FRMPD4: variants seen among roughly 807,000 people sequenced by gnomAD.
The protein encoded by FRMPD4 is FERM and PDZ domain containing 4.
In FRMPD4, 22 loss-of-function variants were observed where a neutral mutation model predicts 94.1. The observed-to-expected ratio is 0.23, with a 90% CI of 0.17 to 0.33. FRMPD4 has a LOEUF of 0.33. Ranked by LOEUF, FRMPD4 falls within the 10% of genes least tolerant of loss-of-function variation. FRMPD4 has a pLI of 1.00. For synonymous variants in FRMPD4, 631 were observed against 548.6 expected, an observed-to-expected ratio of 1.15 and a Z score of -2.10; for missense variants, 1,111 against 1,339.9, an observed-to-expected ratio of 0.83 and a Z score of 2.67.
chrX:11,966,545 T>C (rs2054310640), intron 3 of FRMPD4, among the ~76,000 whole-genome samples: 1 of 111,476 alleles, frequency 9.0e-6, no homozygotes, highest in Admixed American at 9.6e-5. Flanking sequence ...ATCATCATCA[T>C]CATCATAGCC....
At chrX:12,102,369 G>T (rs1446479427) in intron 3 of FRMPD4, among the ~76,000 whole-genome samples, 2 of 111,757 alleles carry the variant, frequency 1.8e-5, no homozygotes, top group Non-Finnish European at 3.8e-5. Context: ...AAGTTGTCTT[G>T]TGATTTGTGT....
At chrX:12,177,236 A>T (rs2056306193) in intron 1 of FRMPD4, among the ~76,000 whole-genome samples, 1 of 112,425 alleles carries the variant, frequency 8.9e-6, no homozygotes, top group Non-Finnish European at 1.9e-5. Context: ...TTGACCAAGA[A>T]TGGATGATCA....
intron 1 of FRMPD4, among the ~76,000 whole-genome samples, chrX:12,389,260 G>C (rs915007245): frequency 6.4e-5 from 7 of 110,036 alleles, no homozygotes; most frequent in Non-Finnish European, 1.3e-4. Context: ...GATCACCTCA[G>C]GTCAGGAGCT....
intron 1 of FRMPD4, among the ~76,000 whole-genome samples, chrX:12,387,875 G>A (rs935581615): frequency 6.4e-5 from 7 of 108,582 alleles, no homozygotes; most frequent in African/African-American, 2.4e-4. Flanking sequence ...GAGAGCCAGC[G>A]TCCATGTCTG....
intron 1 of FRMPD4, among the ~76,000 whole-genome samples, chrX:11,831,732 G>C (rs1408083326): frequency 1.8e-5 from 2 of 111,536 alleles, no homozygotes; most frequent in African/African-American, 6.5e-5. Flanking sequence ...GGAGATAAAT[G>C]AGGTCAATAC....
chrX:12,283,245 G>A lies in FRMPD4; in HGVS notation c.41+144233G>A, dbSNP rs183679926. Among the ~76,000 whole-genome samples, 726 of 113,321 alleles carry A rather than the reference G, an allele frequency of 6.4e-3. 6 individuals are homozygous for A. The highest frequency in any genetic ancestry group is 0.011 in the Non-Finnish European group (589 of 53,448). ...ACCGAATGTTTAGGGTGAAGGCCAA[G>A]TGGAGAACAAAGTAGGCATACATGC... On this transcript the variant is annotated intron_variant, in intron 1 of 16. Coordinates refer to ENST00000675598, the MANE Select transcript of FRMPD4 (RefSeq NM_001368397.1).
chrX:11,904,841 T>C (rs769770244), intron 3 of FRMPD4, among the ~76,000 whole-genome samples: 61 of 112,594 alleles, frequency 5.4e-4, no homozygotes, highest in Non-Finnish European at 8.2e-4. Context: ...ACAGTATTAT[T>C]GACATGTAGG....
chrX:11,839,660 T>A (rs1441386608), intron 1 of FRMPD4, among the ~76,000 whole-genome samples: 4 of 111,756 alleles, frequency 3.6e-5, no homozygotes, highest in African/African-American at 9.7e-5. Context: ...AAAAATTGTT[T>A]TATAGGTTTA....
chrX:11,920,462 G>A (rs893224519), intron 3 of FRMPD4, among the ~76,000 whole-genome samples: 1 of 111,848 alleles, frequency 8.9e-6, no homozygotes, highest in Admixed American at 9.5e-5. Context: ...CATTAGTCCT[G>A]TAAGATGTGC....
At chrX:12,511,543 G>GA (rs1161468927) in intron 2 of FRMPD4, among the ~76,000 whole-genome samples, 78 of 99,666 alleles carry the variant, frequency 7.8e-4, no homozygotes, top group African/African-American at 9.4e-4. Context: ...GGATTTGACA[G>GA]AAAAAAAAAA....
At chrX:12,322,763 TA>T (rs2055225944) in intron 1 of FRMPD4, among the ~76,000 whole-genome samples, 1 of 111,976 alleles carries the variant, frequency 8.9e-6, no homozygotes, top group African/African-American at 3.2e-5. Flanking sequence ...AATAATGAGA[TA>T]GAATAAGACA....
At chrX:12,599,965 A>G (rs1247696473) in intron 2 of FRMPD4, among the ~76,000 whole-genome samples, 6 of 111,662 alleles carry the variant, frequency 5.4e-5, no homozygotes, top group Non-Finnish European at 9.4e-5. Flanking sequence ...TAATCACTCA[A>G]ATATTTTGCT....
intron 1 of FRMPD4, among the ~76,000 whole-genome samples, chrX:12,151,293 ATTACT>A (rs1285471400): frequency 9.0e-6 from 1 of 111,685 alleles, no homozygotes; most frequent in African/African-American, 3.2e-5. Context: ...AAAAAATAAC[ATTACT>A]TAACTCTGTA....
chrX:12,640,296 CA>C (rs1157854116), intron 4 of FRMPD4, among the ~76,000 whole-genome samples: 625 of 23,711 alleles, frequency 0.026, 3 homozygotes, highest in Middle Eastern at 0.12. Context: ...GAGGCTGTCT[CA>C]AAAAAAAAAA....
At chrX:11,880,578 A>T (rs1017516350) in intron 3 of FRMPD4, among the ~76,000 whole-genome samples, 31 of 111,923 alleles carry the variant, frequency 2.8e-4, no homozygotes, top group Non-Finnish European at 4.7e-4. Flanking sequence ...TGTCCTGTGC[A>T]ATTTTTTTTG....
intron 1 of FRMPD4, among the ~76,000 whole-genome samples, chrX:12,193,802 G>A (rs751304812): frequency 0.22 from 4,620 of 21,433 alleles, 931 homozygotes; most frequent in African/African-American, 0.37. Flanking sequence ...AAGGAAGGAA[G>A]GAAGGAAGGA....
intron 1 of FRMPD4, among the ~76,000 whole-genome samples, chrX:12,321,405 C>G (rs2055205444): frequency 9.0e-6 from 1 of 111,425 alleles, no homozygotes; most frequent in African/African-American, 3.3e-5. Context: ...ATTCAATTAC[C>G]CACACAATCA....
At chrX:12,465,931 G>A (rs2057444532) in intron 1 of FRMPD4, among the ~76,000 whole-genome samples, 2 of 111,727 alleles carry the variant, frequency 1.8e-5, no homozygotes, top group South Asian at 3.8e-4. Flanking sequence ...CTGGAACCCT[G>A]GGTTCCATGC....
rs751484257 is a variant in FRMPD4 at position 12,282,191 on chromosome X, T to C, written c.41+143179T>C. Reference sequence around the variant, plus strand: ...TTCTCCCATTGTGAAGCCCCTCACCTTTTCCTTGACCCATGGACCCTCCAG... The same window carrying C: ...TTCTCCCATTGTGAAGCCCCTCACCCTTTCCTTGACCCATGGACCCTCCAG... On this transcript the variant is annotated intron_variant, in intron 1 of 16. Coordinates refer to ENST00000675598, the MANE Select transcript of FRMPD4 (RefSeq NM_001368397.1). 5.4e-5 allele frequency among the ~76,000 whole-genome samples: 6 copies of C among 111,774 alleles called. No individual in the cohort carries two copies. The East Asian group carries it at 1.7e-3, about 32-fold the overall frequency.
Sources: gnomAD v4.1 joint callset for allele counts (sites outside exome capture counted in the v4.1 genomes callset) on GRCh38, gnomAD v4.1.1 for gene constraint, MANE v1.5 for transcripts, NCBI Gene and HGNC (gene_info 2026-07-23, HGNC 2026-07-21) for gene names.